Variants in FXR1 observed in about 807,000 individuals in gnomAD.
The protein encoded by FXR1 is RNA-binding protein FXR1.
In FXR1, 15 loss-of-function variants were observed where a neutral mutation model predicts 84.0. The ratio of observed to expected loss-of-function variants is 0.18; its 90% CI spans 0.12 to 0.27. FXR1 has a LOEUF of 0.27. FXR1 is among the 10% of genes least tolerant of loss of function. The probability of loss-of-function intolerance (pLI) is 1.00; values close to 1 mark genes in which losing one functional copy is unlikely to be tolerated. For missense variants in FXR1, 480 were observed against 774.4 expected (o/e 0.62, Z 4.51); for synonymous variants, 245 against 250.7 (o/e 0.98, Z 0.21).
chr3:180,918,319 G>A (rs993269316), intron 1 of FXR1, among the ~76,000 whole-genome samples: 1 of 151,836 alleles, frequency 6.6e-6, no homozygotes, highest in Non-Finnish European at 1.5e-5. Flanking sequence ...TTATTTTTTA[G>A]TAGAGATGGG....
Position 180,944,175 on chromosome 3 carries a change from A to G in FXR1, c.199-3690A>G, listed in dbSNP as rs1027726259. On this transcript the variant is annotated intron_variant, in intron 3 of 16. Coordinates refer to ENST00000357559, the MANE Select transcript of FXR1 (RefSeq NM_005087.4). ...TGATCCACCCACCTCGGCCTCCCAA[A>G]GTGCTGGGATTACAGGCGTGAGCCA... Among the ~76,000 whole-genome samples the G allele has an allele frequency of 5.9e-5, 9 of 152,196 alleles. No homozygotes were observed. In the East Asian group the frequency reaches 1.7e-3, roughly 29 times the overall value.
At chr3:180,920,687 T>A (rs187457697) in intron 1 of FXR1, among the ~76,000 whole-genome samples, 4 of 152,240 alleles carry the variant, frequency 2.6e-5, no homozygotes, top group Admixed American at 1.3e-4. Context: ...AATTTTGTAT[T>A]TTTAGTAGAG....
rs1437592052 is a variant in FXR1 at position 180,943,303 on chromosome 3, C to G, written c.199-4562C>G. Among the ~76,000 whole-genome samples, 9 of 97,118 alleles carry G rather than the reference C, an allele frequency of 9.3e-5. 1 individual carries two copies. The South Asian group carries it at 1.5e-3, about 16-fold the overall frequency. The allele number at this position is 97,118 out of a possible 152,430, so 63.7% of individuals were successfully genotyped here. On this transcript the variant is annotated intron_variant, in intron 3 of 16. Coordinates refer to ENST00000357559, the MANE Select transcript of FXR1 (RefSeq NM_005087.4). ...TTTTTTTTTTTTTTTAAGAAGGAGT[C>G]TTGCTCTGTCATCCAGGCTGGAGGG... is the stretch of plus-strand genomic sequence containing the variant.
chr3:180,965,667 A>G (rs1328096527), intron 13 of FXR1, among the ~76,000 whole-genome samples: 1 of 152,178 alleles, frequency 6.6e-6, no homozygotes, highest in Non-Finnish European at 1.5e-5. Context: ...ATCCAGGATA[A>G]TCTCTCTATC....
intron 3 of FXR1, among the ~76,000 whole-genome samples, chr3:180,939,661 CTG>C (rs1393647589): frequency 6.6e-6 from 1 of 152,184 alleles, no homozygotes; most frequent in East Asian, 1.9e-4. Context: ...CTCTTCTTAA[CTG>C]TGTGAATACT....
At chr3:180,929,671 G>A (rs916644178) in intron 1 of FXR1, among the ~76,000 whole-genome samples, 4 of 152,202 alleles carry the variant, frequency 2.6e-5, no homozygotes, top group Non-Finnish European at 4.4e-5. Flanking sequence ...GGATTTTGGC[G>A]AAGACCCAGC....
chr3:180,952,848 T>G (rs1423418679), intron 8 of FXR1, among the ~76,000 whole-genome samples: 1 of 133,370 alleles, frequency 7.5e-6, no homozygotes, highest in African/African-American at 2.9e-5. Flanking sequence ...TTTTTTTTTT[T>G]AAAGAGACAG....
chr3:180,967,391 T>C (rs1712966038), intron 13 of FXR1, among the ~76,000 whole-genome samples: 1 of 152,150 alleles, frequency 6.6e-6, no homozygotes, highest in Admixed American at 6.5e-5. Context: ...TCAATGAAAT[T>C]ATGGTGAAAT....
At chr3:180,932,534 G>C (rs368451244) in intron 1 of FXR1, among the ~76,000 whole-genome samples, 1 of 152,160 alleles carries the variant, frequency 6.6e-6, no homozygotes, top group Non-Finnish European at 1.5e-5. Flanking sequence ...GAGTATGTCA[G>C]ATCTTATGGT....
chr3:180,941,011 G>T (rs567960666), intron 3 of FXR1, among the ~76,000 whole-genome samples: 30 of 152,202 alleles, frequency 2.0e-4, no homozygotes, highest in Non-Finnish European at 3.7e-4. Flanking sequence ...TGTTCTTGTG[G>T]CATATGCCTT....
chr3:180,962,768 AC>A, intron 11 of FXR1, 114 bp from the exon 12 acceptor site: 1 of 690,394 alleles, frequency 1.4e-6, no homozygotes, highest in South Asian at 1.8e-5. Flanking sequence ...AATGCTCTTT[AC>A]CATCTAATTG....
rs754386823 is a variant in FXR1 at position 180,970,232 on chromosome 3, G to A, written c.1477G>A (p.Ala493Thr). 1.9e-6 allele frequency: 3 copies of A among 1,603,382 alleles called. No individual in the cohort carries two copies. In the South Asian group the frequency reaches 3.3e-5, roughly 18 times the overall value. The stretch of plus-strand genomic sequence containing the variant: ...ATCAGATCAGACTGCAGACACTGAT[G>A]CCAGCGAATCTCATCACAGTACTAA... ...TESDQTADTD[A>T]SESHHSTNRR... Residue 493 changes from alanine (A) to threonine (T), a missense_variant, in exon 15 of 17, where the codon GCC (alanine) becomes ACC (threonine). By Grantham distance (58) the Ala-to-Thr change is moderately conservative (BLOSUM62 0). Around this residue, in one of 6 missense-constraint regions of FXR1, gnomAD observed 157 missense variants for 227.8 expected, o/e 0.69. Transcript: ENST00000357559.
At chr3:180,928,467 T>G (rs1719492889) in intron 1 of FXR1, among the ~76,000 whole-genome samples, 1 of 147,588 alleles carries the variant, frequency 6.8e-6, no homozygotes, top group African/African-American at 2.5e-5. Context: ...ACTGTTAATA[T>G]TTCAATGGGA....
Position 180,930,563 on chromosome 3 carries a change from A to G in FXR1, c.52-2771A>G, listed in dbSNP as rs942610072. On this transcript the variant is annotated intron_variant, in intron 1 of 16. Transcript: ENST00000357559. Reference sequence around the variant, plus strand: ...AAACTTTGTGAGAGTTTGTTGAAGAACTAGAACACGTTAGTGGAGGTTGAA... The same window carrying G: ...AAACTTTGTGAGAGTTTGTTGAAGAGCTAGAACACGTTAGTGGAGGTTGAA... Among the ~76,000 whole-genome samples the G allele has an allele frequency of 1.4e-4, 21 of 152,202 alleles. 1 individual carries two copies. Among genetic ancestry groups the G allele is most frequent in the Non-Finnish European group, 2.4e-4 (16 of 68,036 alleles).
At chr3:180,932,320 T>G (rs1720034949) in intron 1 of FXR1, among the ~76,000 whole-genome samples, 1 of 152,146 alleles carries the variant, frequency 6.6e-6, no homozygotes, top group Non-Finnish European at 1.5e-5. Context: ...AGAAAAGTAT[T>G]TCCTATGTAC....
At chr3:180,935,257 T>G (rs1720387310) in intron 3 of FXR1, 26 bp downstream of exon 3, 3 of 1,009,736 alleles carry the variant, frequency 3.0e-6, no homozygotes, top group Non-Finnish European at 4.7e-6. Context: ...TTTATTTTCT[T>G]GTGTCTATTT....
chr3:180,918,552 G>A (rs1180062296), intron 1 of FXR1, among the ~76,000 whole-genome samples: 2 of 152,192 alleles, frequency 1.3e-5, no homozygotes, highest in Non-Finnish European at 2.9e-5. Flanking sequence ...CTATCACAGT[G>A]TTTAAGGTTG....
chr3:180,965,330 A>G (rs1712685511), intron 13 of FXR1, among the ~76,000 whole-genome samples: 1 of 152,132 alleles, frequency 6.6e-6, no homozygotes, highest in Non-Finnish European at 1.5e-5. Context: ...CATTACTTTT[A>G]AAGCTTGTTT....
chr3:180,927,442 C>T (rs1034443264), intron 1 of FXR1, among the ~76,000 whole-genome samples: 6 of 152,144 alleles, frequency 3.9e-5, no homozygotes, highest in South Asian at 4.1e-4. Context: ...TACATCTGTT[C>T]AGATTTTTTG....
Sources: allele counts gnomAD v4.1 joint callset (sites outside exome capture counted in the v4.1 genomes callset), GRCh38; gene constraint gnomAD v4.1.1; regional missense constraint gnomAD v4.1.1; transcripts MANE v1.5; gene names NCBI Gene and HGNC (gene_info 2026-07-23, HGNC 2026-07-21).